Variants in AP4E1 observed in about 807,000 individuals in gnomAD.
The protein encoded by AP4E1 is adaptor related protein complex 4 subunit epsilon 1, also known as AP-4 complex subunit epsilon-1.
In AP4E1, 56 loss-of-function variants were observed where a neutral mutation model predicts 128.2. That is an observed-to-expected ratio of 0.44 (90% CI 0.35 to 0.55). AP4E1 has a LOEUF of 0.55. Ranked by LOEUF, AP4E1 falls within the 20% of genes least tolerant of loss-of-function variation. The pLI, the probability that AP4E1 is intolerant of heterozygous loss-of-function variation, is 0.00. For missense variants in AP4E1, 1,324 were observed against 1,307.7 expected, an observed-to-expected ratio of 1.01 and a Z score of -0.19; for synonymous variants, 484 against 473.1, an observed-to-expected ratio of 1.02 and a Z score of -0.30.
At chr15:50,940,363 T>C (rs1443663719) in intron 8 of AP4E1, among the ~76,000 whole-genome samples, 2 of 152,198 alleles carry the variant, frequency 1.3e-5, no homozygotes, top group East Asian at 3.8e-4. Context: ...GTCTTTTCTT[T>C]CCTTGTAAAT....
Position 50,908,689 on chromosome 15 carries a change from T to TACGGAGGCCGGGCCGGCA in AP4E1, c.-89_-72dup. 7.4e-7 allele frequency: 1 copy of TACGGAGGCCGGGCCGGCA among 1,358,956 alleles called. No individual in the cohort carries two copies. The highest frequency in any genetic ancestry group is 9.5e-7 in the Non-Finnish European group (1 of 1,049,768). 84.2% of individuals were successfully genotyped at this position (1,358,956 alleles called of 1,614,324 possible). ...TCTTATTCAAAAAACAGGAAGTGCC[T>TACGGAGGCCGGGCCGGCA]ACGGAGGCCGGGCCGGCAGCGGCGG... On this transcript the variant is annotated 5_prime_UTR_variant, in exon 1 of 21. Transcript: ENST00000261842.
intron 13 of AP4E1, among the ~76,000 whole-genome samples, chr15:50,955,592 A>G (rs375431679): frequency 2.6e-5 from 4 of 152,310 alleles, no homozygotes; most frequent in African/African-American, 4.8e-5. Context: ...TACTGACACT[A>G]TGAGGGGGTG....
intron 5 of AP4E1, among the ~76,000 whole-genome samples, chr15:50,928,519 C>T (rs745951094): frequency 1.3e-5 from 2 of 152,028 alleles, no homozygotes; most frequent in Non-Finnish European, 2.9e-5. Flanking sequence ...AACTCCTGGC[C>T]TCAAGTGATC....
chr15:50,971,798 C>CT (rs1474643773), intron 15 of AP4E1, among the ~76,000 whole-genome samples: 1 of 151,744 alleles, frequency 6.6e-6, no homozygotes, highest in Non-Finnish European at 1.5e-5. Flanking sequence ...CTGTTTGGTT[C>CT]TTTTTTATGA....
chr15:50,945,014 C>G, intron 10 of AP4E1: 3 of 772,586 alleles, frequency 3.9e-6, no homozygotes, highest in Non-Finnish European at 7.2e-6. Context: ...TACGTACTCA[C>G]TTTTGTGGGA....
At chr15:50,941,978 A>G (rs151231182) in intron 10 of AP4E1, among the ~76,000 whole-genome samples, 1 of 152,220 alleles carries the variant, frequency 6.6e-6, no homozygotes, top group Non-Finnish European at 1.5e-5. Flanking sequence ...GTGCAGTGGC[A>G]TGATCTCAAC....
At chr15:50,976,809 C>T (rs768650778) in intron 15 of AP4E1, among the ~76,000 whole-genome samples, 28 of 152,110 alleles carry the variant, frequency 1.8e-4, no homozygotes, top group Admixed American at 4.6e-4. Flanking sequence ...TAATAATAAA[C>T]TGAAGCAAGT....
intron 7 of AP4E1, among the ~76,000 whole-genome samples, chr15:50,932,250 A>G (rs769770329): frequency 1.3e-5 from 2 of 152,094 alleles, no homozygotes; most frequent in Non-Finnish European, 2.9e-5. Context: ...AAGTGCTGGG[A>G]TGACAGGCGT....
intron 14 of AP4E1, among the ~76,000 whole-genome samples, chr15:50,965,384 G>A (rs2064378498): frequency 6.6e-6 from 1 of 152,198 alleles, no homozygotes; most frequent in African/African-American, 2.4e-5. Context: ...GGCAGGATTG[G>A]GTGTGCCAGT....
At chr15:50,985,196 A>G (rs1449397496) in intron 16 of AP4E1, among the ~76,000 whole-genome samples, 1 of 151,970 alleles carries the variant, frequency 6.6e-6, no homozygotes, top group Non-Finnish European at 1.5e-5. Flanking sequence ...TTCTTTGTAG[A>G]TTCTGGATAT....
At chr15:50,929,741 T>G (rs765687766) in intron 6 of AP4E1, among the ~76,000 whole-genome samples, 4 of 152,186 alleles carry the variant, frequency 2.6e-5, no homozygotes, top group African/African-American at 4.8e-5. Flanking sequence ...TAAAATATGC[T>G]ATTGAACTCA....
At chr15:50,996,400 TTGTTTTTG>T (rs1177781819) in intron 17 of AP4E1, among the ~76,000 whole-genome samples, 3 of 152,132 alleles carry the variant, frequency 2.0e-5, no homozygotes, top group Non-Finnish European at 4.4e-5. Flanking sequence ...TTGTGCCCCC[TTGTTTTTG>T]TGTTAATAAA....
chr15:50,955,194 C>A (rs1455531846), intron 13 of AP4E1, among the ~76,000 whole-genome samples: 1 of 152,166 alleles, frequency 6.6e-6, no homozygotes, highest in Non-Finnish European at 1.5e-5. Flanking sequence ...TGGGTATATA[C>A]CCAGTAATGG....
chr15:50,920,348 C>T (rs1263324213), intron 3 of AP4E1, among the ~76,000 whole-genome samples: 3 of 151,150 alleles, frequency 2.0e-5, no homozygotes, highest in Non-Finnish European at 4.4e-5. Flanking sequence ...CTCCTGACCT[C>T]GTGATCCGCC....
At position 51,005,856 on chromosome 15, in the gene AP4E1, G is replaced by C. The variant is rs970432008; in HGVS notation, c.*3194G>C. 1.3e-5 allele frequency: 2 copies of C among 152,420 alleles called. No individual in the cohort carries two copies. Among genetic ancestry groups the C allele is most frequent in the Non-Finnish European group, 2.9e-5 (2 of 68,006 alleles). The allele number at this position is 152,420 out of a possible 1,614,324, so 9.4% of individuals were successfully genotyped here. The stretch of plus-strand genomic sequence containing the variant: ...ATTTTGGAGTTGAATTCTGTCATTT[G>C]AAAAAGTTCAGTAATGTAATAAATA... On this transcript the variant is annotated 3_prime_UTR_variant, in exon 21 of 21. Coordinates refer to ENST00000261842, the MANE Select transcript of AP4E1 (RefSeq NM_007347.5).
chr15:50,977,716 T>C (rs5812536), intron 15 of AP4E1, among the ~76,000 whole-genome samples: 1 of 63,682 alleles, frequency 1.6e-5, no homozygotes, highest in Non-Finnish European at 4.0e-5. Flanking sequence ...GTTTTTTTTT[T>C]TTTTTTTTTT....
At chr15:50,971,468 T>C (rs1167419813) in intron 15 of AP4E1, among the ~76,000 whole-genome samples, 1 of 152,170 alleles carries the variant, frequency 6.6e-6, no homozygotes, top group Admixed American at 6.5e-5. Context: ...TTGAGCTTCC[T>C]GGACTAGGAT....
At chr15:50,965,057 A>G (rs977475919) in intron 14 of AP4E1, among the ~76,000 whole-genome samples, 1 of 151,294 alleles carries the variant, frequency 6.6e-6, no homozygotes. Context: ...ACCTTCCTCC[A>G]TAAGTAAAAG....
intron 11 of AP4E1, among the ~76,000 whole-genome samples, chr15:50,949,369 C>T (rs2064112878): frequency 6.7e-6 from 1 of 148,664 alleles, no homozygotes; most frequent in South Asian, 2.1e-4. Context: ...ACCGAGATCG[C>T]ACCACTGCCC....
Sources: allele counts gnomAD v4.1 joint callset (sites outside exome capture counted in the v4.1 genomes callset), GRCh38; gene constraint gnomAD v4.1.1; transcripts MANE v1.5; gene names NCBI Gene and HGNC (gene_info 2026-07-23, HGNC 2026-07-21).